RBFOX1: variants seen among roughly 807,000 people sequenced by gnomAD.
RBFOX1 encodes the protein RNA binding fox-1 homolog 1, also known as RNA binding protein fox-1 homolog 1.
In RBFOX1, 8 loss-of-function variants were observed where a neutral mutation model predicts 57.7. The observed-to-expected ratio is 0.14, with a 90% confidence interval of 0.08 to 0.25. The LOEUF is 0.25. Among genes scored for constraint, RBFOX1 ranks in the 10% least tolerant of loss-of-function variants. RBFOX1 has a pLI of 1.00. For missense variants in RBFOX1, 611 were observed against 548.5 expected (o/e 1.11, Z -1.14); for synonymous variants, 326 against 222.4 (o/e 1.47, Z -4.15).
At chr16:6,672,165 T>A (rs1603307211) in intron 3 of RBFOX1, among the ~76,000 whole-genome samples, 2 of 152,228 alleles carry the variant, frequency 1.3e-5, no homozygotes, top group African/African-American at 2.4e-5. Context: ...TAGATACTTA[T>A]CTTTTATTTA....
intron 2 of RBFOX1, among the ~76,000 whole-genome samples, chr16:6,607,438 C>T (rs1391060659): frequency 1.4e-5 from 2 of 148,124 alleles, no homozygotes; most frequent in Admixed American, 6.7e-5. Flanking sequence ...CTCTCTCTCG[C>T]TCTCTATCTC....
At chr16:5,958,818 G>C (rs1341096968) in intron 4 of RBFOX1, among the ~76,000 whole-genome samples, 1 of 152,102 alleles carries the variant, frequency 6.6e-6, no homozygotes, top group East Asian at 1.9e-4. Context: ...GCTAATCTCT[G>C]ATACTATTGT....
chr16:5,995,153 A>C (rs1226035867), intron 4 of RBFOX1, among the ~76,000 whole-genome samples: 1 of 152,224 alleles, frequency 6.6e-6, no homozygotes. Context: ...TGTTTTAAAA[A>C]CAACTTTCCA....
intron 1 of RBFOX1, among the ~76,000 whole-genome samples, chr16:6,200,576 C>T (rs2097208670): frequency 6.6e-6 from 1 of 152,088 alleles, no homozygotes; most frequent in South Asian, 2.1e-4. Flanking sequence ...TTAAAAGCAC[C>T]ACACTAAAAA....
chr16:7,635,683 C>A (rs79589658), intron 11 of RBFOX1, among the ~76,000 whole-genome samples: 21 of 152,130 alleles, frequency 1.4e-4, no homozygotes, highest in Admixed American at 1.0e-3. Context: ...ACATTGTGAC[C>A]GTCTCCCTTT....
At chr16:5,482,326 C>G (rs541413314) in intron 2 of RBFOX1, among the ~76,000 whole-genome samples, 16 of 152,226 alleles carry the variant, frequency 1.1e-4, no homozygotes, top group Middle Eastern at 3.4e-3. Flanking sequence ...CCATTCGGTA[C>G]TGGGAGGTAG....
At chr16:7,271,316 C>A (rs975651421) in intron 4 of RBFOX1, among the ~76,000 whole-genome samples, 7 of 151,702 alleles carry the variant, frequency 4.6e-5, no homozygotes, top group African/African-American at 1.7e-4. Flanking sequence ...AAAAGACGGG[C>A]CTGGGTTGCA....
intron 4 of RBFOX1, among the ~76,000 whole-genome samples, chr16:7,315,789 C>T (rs1603619186): frequency 6.6e-6 from 1 of 151,984 alleles, no homozygotes; most frequent in South Asian, 2.1e-4. Context: ...TTTGTTTGTT[C>T]TCTATTATTT....
intron 1 of RBFOX1, among the ~76,000 whole-genome samples, chr16:6,188,491 G>T (rs577125751): frequency 6.7e-6 from 1 of 148,542 alleles, no homozygotes; most frequent in South Asian, 2.1e-4. Context: ...TTTCTCTGAT[G>T]TTATTGTCTA....
chr16:5,970,047 G>T (rs1008132642), intron 4 of RBFOX1, among the ~76,000 whole-genome samples: 3 of 152,040 alleles, frequency 2.0e-5, no homozygotes, highest in African/African-American at 7.2e-5. Flanking sequence ...CTTCAGATTG[G>T]CACTCTACAC....
intron 3 of RBFOX1, among the ~76,000 whole-genome samples, chr16:5,662,002 G>A (rs2049667898): frequency 6.6e-6 from 1 of 151,950 alleles, no homozygotes; most frequent in African/African-American, 2.4e-5. Context: ...TTAGCAGGGT[G>A]GTCTCCATCT....
At chr16:7,067,543 A>G (rs2056372786) in intron 4 of RBFOX1, among the ~76,000 whole-genome samples, 2 of 142,008 alleles carry the variant, frequency 1.4e-5, no homozygotes, top group South Asian at 4.4e-4. Flanking sequence ...TTCTTTTTTT[A>G]TTTTATTATA....
intron 3 of RBFOX1, among the ~76,000 whole-genome samples, chr16:5,635,558 T>A (rs542664175): frequency 6.6e-6 from 1 of 152,356 alleles, no homozygotes; most frequent in African/African-American, 2.4e-5. Flanking sequence ...CCATACAGAT[T>A]TGCTTTTCAT....
At chr16:6,477,191 A>G (rs1035875011) in intron 2 of RBFOX1, among the ~76,000 whole-genome samples, 3 of 152,186 alleles carry the variant, frequency 2.0e-5, no homozygotes, top group Non-Finnish European at 4.4e-5. Flanking sequence ...ACCTCCTTCC[A>G]TGAATCTTGA....
At chr16:7,582,428 C>T (rs1390583358) in intron 6 of RBFOX1, among the ~76,000 whole-genome samples, 2 of 152,152 alleles carry the variant, frequency 1.3e-5, no homozygotes, top group African/African-American at 4.8e-5. Flanking sequence ...CAATGACTTT[C>T]AAGCCTCCTT....
At chr16:5,794,339 C>A (rs139795001) in intron 3 of RBFOX1, among the ~76,000 whole-genome samples, 1 of 152,032 alleles carries the variant, frequency 6.6e-6, no homozygotes, top group East Asian at 1.9e-4. Context: ...TCATCCTTTA[C>A]TAATTCCTCG....
chr16:6,423,834 A>G (rs1180968187), intron 2 of RBFOX1, among the ~76,000 whole-genome samples: 2 of 152,142 alleles, frequency 1.3e-5, no homozygotes, highest in Admixed American at 6.5e-5. Context: ...AAGAGAAATG[A>G]GGAGCCCAGA....
chr16:5,797,514 G>C (rs2054918628), intron 3 of RBFOX1, among the ~76,000 whole-genome samples: 1 of 152,208 alleles, frequency 6.6e-6, no homozygotes, highest in South Asian at 2.1e-4. Flanking sequence ...GAGTGACTCA[G>C]CTCTGAGTAG....
intron 3 of RBFOX1, among the ~76,000 whole-genome samples, chr16:5,860,324 C>T (rs1173288222): frequency 6.6e-6 from 1 of 152,178 alleles, no homozygotes; most frequent in Non-Finnish European, 1.5e-5. Context: ...ATCCACCCGC[C>T]TCCACCTCCC....
Sources: gnomAD v4.1 joint callset for allele counts (sites outside exome capture counted in the v4.1 genomes callset) on GRCh38, gnomAD v4.1.1 for gene constraint, MANE v1.5 for transcripts, NCBI Gene and HGNC (gene_info 2026-07-23, HGNC 2026-07-21) for gene names.